IRAK3: variants seen among roughly 807,000 people sequenced by gnomAD.
The protein encoded by IRAK3 is interleukin-1 receptor-associated kinase 3.
IRAK3 carries 57 observed loss-of-function variants against 56.6 expected under a neutral mutation model. The observed-to-expected ratio is 1.01, with a 90% CI of 0.81 to 1.26. IRAK3 has a LOEUF of 1.26. IRAK3 is among the 50% of genes most tolerant of loss of function. IRAK3 has a pLI of 0.00. For synonymous variants in IRAK3, 258 were observed against 255.7 expected, an observed-to-expected ratio of 1.01 and a Z score of -0.09; for missense variants, 703 against 719.0, an observed-to-expected ratio of 0.98 and a Z score of 0.25.
At chr12:66,239,299 C>CTTT (rs10677185) in intron 8 of IRAK3, among the ~76,000 whole-genome samples, 5,499 of 144,490 alleles carry the variant, frequency 0.038, 133 homozygotes, top group Non-Finnish European at 0.051. Context: ...TCAAAATGGA[C>CTTT]TTTTTTTTTT....
rs1367123216 is a variant in IRAK3 at position 66,253,984 on chromosome 12, C to A, written c.*5813C>A. The stretch of plus-strand genomic sequence containing the variant: ...GTCCTCTATTTGAACATGAAAACAG[C>A]TAATAAAGATGTGTTATTTTATTTT... On this transcript the variant is annotated 3_prime_UTR_variant, in exon 12 of 12. Coordinates refer to ENST00000261233, the MANE Select transcript of IRAK3 (RefSeq NM_007199.3). The A allele has an allele frequency of 2.0e-5, 3 of 152,106 alleles. No individual in the cohort carries two copies. The highest frequency in any genetic ancestry group is 2.9e-5 in the Non-Finnish European group (2 of 68,004). 9.4% of individuals were successfully genotyped at this position (152,106 alleles called of 1,614,324 possible).
At chr12:66,194,806 G>A (rs2052434870) in intron 1 of IRAK3, among the ~76,000 whole-genome samples, 1 of 146,420 alleles carries the variant, frequency 6.8e-6, no homozygotes, top group Non-Finnish European at 1.5e-5. Flanking sequence ...TCCAGACTGG[G>A]CGACAGAGCG....
intron 7 of IRAK3, among the ~76,000 whole-genome samples, chr12:66,227,915 T>A (rs1410439911): frequency 6.6e-6 from 1 of 152,178 alleles, no homozygotes; most frequent in African/African-American, 2.4e-5. Flanking sequence ...TAAAAGCAGA[T>A]TGTCTCAATT....
In IRAK3 at chr12:66,215,790, A is replaced by AGGTGCGCGCGCGCGCGCGCGCG. The variant is rs2052668454; in HGVS notation, c.589-1381_589-1380insGGTGCGCGCGCGCGCGCGCGCG. On this transcript the variant is annotated intron_variant, in intron 5 of 11. Coordinates refer to ENST00000261233, the MANE Select transcript of IRAK3 (RefSeq NM_007199.3). ...CCCCCTATTTTAACCCAACATGCAC[A>AGGTGCGCGCGCGCGCGCGCGCG]CACACACACACACACACACACACAC... Among the ~76,000 whole-genome samples, 180 of 103,144 alleles carry AGGTGCGCGCGCGCGCGCGCGCG rather than the reference A, an allele frequency of 1.7e-3. 1 individual carries two copies. The highest frequency in any genetic ancestry group is 5.2e-3 in the African/African-American group (171 of 32,642). The allele number at this position is 103,144 out of a possible 152,430, so 67.7% of individuals were successfully genotyped here. A position where few individuals can be genotyped will look rare whatever the true frequency, so the allele number is the denominator to read the frequency against.
At chr12:66,203,229 C>T (rs940329030) in intron 1 of IRAK3, among the ~76,000 whole-genome samples, 1 of 152,078 alleles carries the variant, frequency 6.6e-6, no homozygotes, top group Non-Finnish European at 1.5e-5. Context: ...AGTAGAGAAG[C>T]TCTGCAGACA....
chr12:66,247,363 C>G (rs1444410699), intron 11 of IRAK3, among the ~76,000 whole-genome samples: 2 of 152,194 alleles, frequency 1.3e-5, no homozygotes, highest in Non-Finnish European at 2.9e-5. Context: ...TTTCCTTATT[C>G]CCTTCCAATC....
At chr12:66,224,731 A>T (rs2052768587) in intron 6 of IRAK3, among the ~76,000 whole-genome samples, 1 of 152,228 alleles carries the variant, frequency 6.6e-6, no homozygotes, top group Non-Finnish European at 1.5e-5. Flanking sequence ...GAACAGGCTC[A>T]GAGCGATTAA....
At position 66,228,368 on chromosome 12, in the gene IRAK3, A is replaced by C. The variant is rs555718338; in HGVS notation, c.885A>C (p.Ser295=). The change falls in exon 8 of 12, where the codon TCA becomes TCC. Residue 295 remains serine (S), a splice_region_variant and synonymous_variant. Transcript: ENST00000261233. Reference sequence around the variant, plus strand: ...GCTCGGTCATCTGTGGCAGTATATCAAGGTAAATTATTCCAGAGCTTTTGG... The same window carrying C: ...GCTCGGTCATCTGTGGCAGTATATCCAGGTAAATTATTCCAGAGCTTTTGG... The part of the protein sequence containing the change: ...QPCSVICGSI[S]SANILLDDQF... 8.1e-6 allele frequency: 13 copies of C among 1,606,336 alleles called. No individual in the cohort carries two copies. In the South Asian group the frequency reaches 9.9e-5, roughly 12 times the overall value.
intron 4 of IRAK3, 110 bp from the exon 5 acceptor site, chr12:66,211,336 C>A: frequency 1.3e-6 from 1 of 780,536 alleles, no homozygotes; most frequent in Non-Finnish European, 2.2e-6. Flanking sequence ...CTGGGCCTTT[C>A]TCTACTAACC....
In IRAK3 at chr12:66,193,132, C is replaced by T. The variant is rs1039874306; in HGVS notation, c.133+3700C>T. ...AAATGATTCTCCTATCTCAGCCTCC[C>T]GAGTAGCTGGGATTACAGGCATGCA... On this transcript the variant is annotated intron_variant, in intron 1 of 11. Transcript: ENST00000261233. 3.3e-5 allele frequency among the ~76,000 whole-genome samples: 5 copies of T among 152,082 alleles called. No homozygotes were observed. The East Asian group carries it at 7.7e-4, about 24-fold the overall frequency.
intron 5 of IRAK3, 30 bp from the exon 6 acceptor site, chr12:66,217,141 A>G: frequency 3.3e-6 from 5 of 1,492,650 alleles, no homozygotes; most frequent in Non-Finnish European, 3.7e-6. Context: ...TCCTTTCCTT[A>G]ATTTTGTTCT....
intron 6 of IRAK3, among the ~76,000 whole-genome samples, chr12:66,217,620 A>G (rs2052690135): frequency 1.3e-5 from 2 of 152,182 alleles, no homozygotes; most frequent in Non-Finnish European, 2.9e-5. Flanking sequence ...GTTTTAGACA[A>G]AGAAATCAAG....
At chr12:66,216,465 T>C (rs1249537984) in intron 5 of IRAK3, among the ~76,000 whole-genome samples, 2 of 152,200 alleles carry the variant, frequency 1.3e-5, no homozygotes, top group Admixed American at 6.5e-5. Context: ...TTGCAAATGA[T>C]AGAACGTTAC....
In IRAK3 at chr12:66,254,036, T is replaced by C. The variant is rs183086382; in HGVS notation, c.*5865T>C. The C allele has an allele frequency of 6.6e-6, 1 of 152,326 alleles. No homozygotes were observed. The highest frequency in any genetic ancestry group is 1.5e-5 in the Non-Finnish European group (1 of 68,024). 9.4% of individuals were successfully genotyped at this position (152,326 alleles called of 1,614,324 possible). A position where few individuals can be genotyped will look rare whatever the true frequency, so the allele number is the denominator to read the frequency against. On this transcript the variant is annotated 3_prime_UTR_variant, in exon 12 of 12. Transcript: ENST00000261233. ...TTATTATTAATTTTGTCCTCCCATA[T>C]TGGCAAAGATAAAGCAATTGACAAA...
At chr12:66,194,448 T>C (rs2052429927) in intron 1 of IRAK3, among the ~76,000 whole-genome samples, 1 of 152,124 alleles carries the variant, frequency 6.6e-6, no homozygotes, top group South Asian at 2.1e-4. Flanking sequence ...CTAAATCCAA[T>C]GGTTGGTTCA....
rs2053060920 is a variant in IRAK3, at chr12:66,248,541, T to C, written c.*370T>C. 5.9e-6 allele frequency: 1 copy of C among 168,764 alleles called. No homozygotes were observed. The highest frequency in any genetic ancestry group is 1.7e-4 in the South Asian group (1 of 5,952). 10.5% of individuals were successfully genotyped at this position (168,764 alleles called of 1,614,324 possible). A position where few individuals can be genotyped will look rare whatever the true frequency, so the allele number is the denominator to read the frequency against. On this transcript the variant is annotated 3_prime_UTR_variant, in exon 12 of 12. Transcript: ENST00000261233. ...AGTGTGAGTCCTCAGAGCCTCCATC[T>C]GCCAAGAACATTCAGTTGGATTCCA...
rs2053131482 is a variant in IRAK3 at position 66,254,244 on chromosome 12, A to G, written c.*6073A>G. 6.6e-6 allele frequency: 1 copy of G among 152,210 alleles called. No homozygotes were observed. The highest frequency in any genetic ancestry group is 6.5e-5 in the Admixed American group (1 of 15,276). The allele number at this position is 152,210 out of a possible 1,614,324, so 9.4% of individuals were successfully genotyped here. ...AAACATGAGCCCAAAGGTATATTTC[A>G]TGATGTTTATGATATTAAAACATTG... On this transcript the variant is annotated 3_prime_UTR_variant, in exon 12 of 12. Coordinates refer to ENST00000261233, the MANE Select transcript of IRAK3 (RefSeq NM_007199.3).
intron 8 of IRAK3, among the ~76,000 whole-genome samples, chr12:66,236,395 CAAAAAAAAAAAAAA>C (rs56074285): frequency 1.8e-5 from 2 of 110,414 alleles, no homozygotes; most frequent in South Asian, 5.9e-4. Flanking sequence ...CTAAAAATAC[CAAAAAAAAAAAAAA>C]AAAAAAAAAT....
At chr12:66,212,648 T>C (rs1396049019) in intron 5 of IRAK3, among the ~76,000 whole-genome samples, 1 of 152,060 alleles carries the variant, frequency 6.6e-6, no homozygotes, top group African/African-American at 2.4e-5. Context: ...TTAGCGAGAA[T>C]TGTACAAAAG....
Sources: allele counts gnomAD v4.1 joint callset (sites outside exome capture counted in the v4.1 genomes callset), GRCh38; gene constraint gnomAD v4.1.1; transcripts MANE v1.5; gene names NCBI Gene and HGNC (gene_info 2026-07-23, HGNC 2026-07-21).